Variants in GAREM2 observed in about 807,000 individuals in gnomAD.
GAREM2 encodes the protein GRB2-associated and regulator of MAPK protein 2.
GAREM2 carries 30 observed loss-of-function variants against 55.6 expected under a neutral mutation model. The observed-to-expected ratio is 0.54, with a 90% CI of 0.40 to 0.73. The LOEUF is 0.73. GAREM2 is among the 30% of genes least tolerant of loss of function. The pLI is 0.00. For missense variants in GAREM2, 1,075 were observed against 1,257.7 expected (o/e 0.85, Z 2.20); for synonymous variants, 550 against 569.1 (o/e 0.97, Z 0.48).
downstream of GAREM2, chr2:26,191,361 C>T: frequency 6.2e-7 from 1 of 1,614,172 alleles, no homozygotes. Flanking sequence ...CCACTATCTT[C>T]TGGGCGCCAT....
chr2:26,187,655 T>C lies in GAREM2; in HGVS notation c.2023T>C (p.Tyr675His). 6.5e-7 allele frequency: 1 copy of C among 1,538,726 alleles called. No homozygotes were observed. The highest frequency in any genetic ancestry group is 1.2e-5 in the South Asian group (1 of 82,318). Reference sequence around the variant, plus strand: ...AGGCCCAGCCTCGCCAGGCCAGGCCTATTCAGCTGCTCCCCCCTCCTCCTG... The same window carrying C: ...AGGCCCAGCCTCGCCAGGCCAGGCCCATTCAGCTGCTCCCCCCTCCTCCTG... ...SPGPASPGQAYSAAPPSSCAP... is the reference protein window; with the variant it reads ...SPGPASPGQAHSAAPPSSCAP... Residue 675 changes from tyrosine (Y) to histidine (H), a missense_variant, in exon 6 of 6, where the codon TAT becomes CAT. This residue lies in a region of GAREM2 where 515 missense variants were observed against 501.5 expected (regional missense o/e 1.03). Transcript: ENST00000401533.
At chr2:26,200,968 G>A in the GAREM2 span, among the ~76,000 whole-genome samples, 17 of 152,046 alleles carry the variant, frequency 1.1e-4, no homozygotes, top group African/African-American at 2.2e-4. Flanking sequence ...TCCTTACCTC[G>A]TGATCCGCCC....
At chr2:26,195,926 A>G in the GAREM2 span, among the ~76,000 whole-genome samples, 8 of 152,226 alleles carry the variant, frequency 5.3e-5, no homozygotes, top group Non-Finnish European at 1.0e-4. Context: ...GAAACCCCTC[A>G]TTGAGCTAAC....
Position 26,184,753 on chromosome 2 carries a change from G to T in GAREM2, c.905G>T (p.Gly302Val), listed in dbSNP as rs1444321240. The change falls in exon 4 of 6, where the codon GGG becomes GTG. Residue 302 changes from glycine to valine, a missense_variant. By Grantham distance (109) the Gly-to-Val change is moderately radical. Around this residue, in one of 6 missense-constraint regions of GAREM2, gnomAD observed 170 missense variants for 220.7 expected, o/e 0.77. Coordinates refer to ENST00000401533, the MANE Select transcript of GAREM2 (RefSeq NM_001168241.2). Reference protein sequence around the residue: ...VSIISKTVVLGLALRREGPAP... With the variant: ...VSIISKTVVLVLALRREGPAP... ...ATCATCTCCAAGACGGTGGTGCTGG[G>T]GCTGGCGCTGCGCCGCGAGGGCCCG... 2.0e-6 allele frequency: 3 copies of T among 1,501,700 alleles called. No individual in the cohort carries two copies. The highest frequency in any genetic ancestry group is 2.7e-6 in the Non-Finnish European group (3 of 1,130,756). The allele number at this position is 1,501,700 out of a possible 1,614,324, so 93.0% of individuals were successfully genotyped here. A position where few individuals can be genotyped will look rare whatever the true frequency, so the allele number is the denominator to read the frequency against.
At chr2:26,180,192 C>G (rs1038766214) in intron 2 of GAREM2, among the ~76,000 whole-genome samples, 1 of 152,184 alleles carries the variant, frequency 6.6e-6, no homozygotes, top group East Asian at 1.9e-4. Context: ...ATTTCTCTCC[C>G]TGCTCCGTGA....
chr2:26,200,485 G>A, the GAREM2 span, among the ~76,000 whole-genome samples: 2 of 152,158 alleles, frequency 1.3e-5, no homozygotes, highest in Admixed American at 1.3e-4. Context: ...GCATCTGGAC[G>A]AACTGTCTTC....
chr2:26,189,022 A>G lies in GAREM2; in HGVS notation c.*765A>G, dbSNP rs1669397465. ...CTGACTTTACTGCAGCTAGTCATCC[A>G]TCCGTCAGGTGGCGTTCAGTCTCAG... On this transcript the variant is annotated 3_prime_UTR_variant, in exon 6 of 6. Transcript: ENST00000401533. 6.6e-6 allele frequency: 1 copy of G among 152,178 alleles called. No homozygotes were observed. 9.4% of individuals were successfully genotyped at this position (152,178 alleles called of 1,614,324 possible).
downstream of GAREM2, among the ~76,000 whole-genome samples, chr2:26,190,430 G>A (rs1204321461): frequency 1.3e-5 from 2 of 152,132 alleles, no homozygotes; most frequent in Non-Finnish European, 2.9e-5. Context: ...AGGTGCTGTG[G>A]GGGTCAGCAC....
rs1388614529 is a variant in GAREM2 at position 26,187,503 on chromosome 2, T to G, written c.1871T>G (p.Phe624Cys). 1 of 1,543,706 alleles carries G rather than the reference T, an allele frequency of 6.5e-7. No homozygotes were observed. Among genetic ancestry groups the G allele is most frequent in the Admixed American group, 2.0e-5 (1 of 49,686 alleles). The stretch of plus-strand genomic sequence containing the variant: ...AAGCCCTCACATCCCCAGAAGCGCT[T>G]TGCTCCGTTTGGAGCTCTCAACCCT... ...LFKPSHPQKR[F>C]APFGALNPFS... The change falls in exon 6 of 6, where the codon TTT becomes TGT. Residue 624 changes from phenylalanine to cysteine, a missense_variant. Around this residue, in one of 6 missense-constraint regions of GAREM2, gnomAD observed 515 missense variants for 501.5 expected, o/e 1.03. Transcript: ENST00000401533.
At chr2:26,199,881 C>A in the GAREM2 span, among the ~76,000 whole-genome samples, 1 of 152,236 alleles carries the variant, frequency 6.6e-6, no homozygotes, top group Non-Finnish European at 1.5e-5. Flanking sequence ...GGTGCCCCAA[C>A]CGAGCTTCCT....
At chr2:26,197,574 GGA>G in the GAREM2 span, 2 of 731,592 alleles carry the variant, frequency 2.7e-6, no homozygotes, top group Non-Finnish European at 5.0e-6. Flanking sequence ...CCAGTGTTTA[GGA>G]ACCACCCGCA....
In GAREM2 at chr2:26,189,345, C is replaced by T. The variant is rs1310890571; in HGVS notation, c.*1088C>T. On this transcript the variant is annotated 3_prime_UTR_variant, in exon 6 of 6. Coordinates refer to ENST00000401533, the MANE Select transcript of GAREM2 (RefSeq NM_001168241.2). The stretch of plus-strand genomic sequence containing the variant: ...CCAGAGCTCTGGTCATTGTGTCCAA[C>T]CACACACCCCACCCCATCCGTGTCC... The T allele has an allele frequency of 6.6e-6, 1 of 152,226 alleles. No individual in the cohort carries two copies. Among genetic ancestry groups the T allele is most frequent in the Non-Finnish European group, 1.5e-5 (1 of 68,060 alleles). 9.4% of individuals were successfully genotyped at this position (152,226 alleles called of 1,614,324 possible). A position where few individuals can be genotyped will look rare whatever the true frequency, so the allele number is the denominator to read the frequency against.
intron 1 of GAREM2, among the ~76,000 whole-genome samples, chr2:26,176,091 G>A (rs536075553): frequency 7.6e-4 from 115 of 152,306 alleles, no homozygotes; most frequent in African/African-American, 2.6e-3. Context: ...AGGGACAGCA[G>A]GCATTCCAGC....
At position 26,184,802 on chromosome 2, in the gene GAREM2, C is replaced by T; in HGVS notation, c.954C>T (p.Leu318=). 2 of 1,493,476 alleles carry T rather than the reference C, an allele frequency of 1.3e-6. No homozygotes were observed. Among genetic ancestry groups the T allele is most frequent in the Non-Finnish European group, 1.8e-6 (2 of 1,129,266 alleles). The allele number at this position is 1,493,476 out of a possible 1,614,324, so 92.5% of individuals were successfully genotyped here. ...EGPAPLHFLL[L]TDTPRFALPQ... ...CGGCGCCGCTGCACTTCCTGCTGCT[C>T]ACGGACACGCCGCGCTTCGCGCTGC... Residue 318 remains leucine, a synonymous_variant, in exon 4 of 6, where the codon CTC becomes CTT. Transcript: ENST00000401533.
the GAREM2 span, among the ~76,000 whole-genome samples, chr2:26,200,227 C>G: frequency 6.6e-6 from 1 of 152,078 alleles, no homozygotes; most frequent in African/African-American, 2.4e-5. Flanking sequence ...CTCATTATAT[C>G]CAGCATGTTG....
chr2:26,176,031 G>A (rs968884308), intron 1 of GAREM2, among the ~76,000 whole-genome samples: 7 of 152,218 alleles, frequency 4.6e-5, no homozygotes, highest in Non-Finnish European at 8.8e-5. Flanking sequence ...GAGGGCAGGG[G>A]CTGGTCTGGG....
the GAREM2 span, among the ~76,000 whole-genome samples, chr2:26,197,288 G>C: frequency 6.6e-5 from 10 of 152,144 alleles, no homozygotes; most frequent in Non-Finnish European, 1.2e-4. Context: ...CAAACCCACG[G>C]GCAGACACAT....
chr2:26,174,917 G>A (rs1349463159), intron 1 of GAREM2, among the ~76,000 whole-genome samples: 1 of 152,178 alleles, frequency 6.6e-6, no homozygotes, highest in African/African-American at 2.4e-5. Flanking sequence ...ATGGGGCTAG[G>A]ACCCAGGACA....
rs373713812 is a variant in GAREM2, at chr2:26,184,345, A to G, written c.497A>G (p.Lys166Arg). The G allele has an allele frequency of 8.4e-5, 130 of 1,549,708 alleles. No homozygotes were observed. The East Asian group carries it at 1.0e-3, about 12-fold the overall frequency. ...QAEILCAKTT[K>R]ERSRFTTLLR... is the part of the protein sequence containing the mutation. Reference sequence around the variant, plus strand: ...GAGATCCTGTGCGCCAAGACCACCAAGGAGCGCTCGCGCTTCACCACCCTC... The same window carrying G: ...GAGATCCTGTGCGCCAAGACCACCAGGGAGCGCTCGCGCTTCACCACCCTC... The change falls in exon 4 of 6, where the codon AAG becomes AGG. Residue 166 changes from lysine to arginine, a missense_variant. Physicochemically the swap from Lys to Arg is conservative, Grantham distance 26 (BLOSUM62 2). This residue lies in a region of GAREM2 where 230 missense variants were observed against 310.6 expected (regional missense o/e 0.74). Coordinates refer to ENST00000401533, the MANE Select transcript of GAREM2 (RefSeq NM_001168241.2).
Sources: allele counts gnomAD v4.1 joint callset (sites outside exome capture counted in the v4.1 genomes callset), GRCh38; gene constraint gnomAD v4.1.1; regional missense constraint gnomAD v4.1.1; transcripts MANE v1.5; gene names NCBI Gene and HGNC (gene_info 2026-07-23, HGNC 2026-07-21).